The following PRH1 variants were observed in gnomAD, a reference collection of about 807,000 sequenced individuals.
PRH1 encodes proline rich protein HaeIII subfamily 1, also known as salivary acidic proline-rich phosphoprotein 1/2.
A neutral mutation model predicts 7.9 loss-of-function variants in PRH1; 7 were observed. The ratio of observed to expected loss-of-function variants is 0.89; its 90% CI spans 0.50 to 1.67. PRH1 has a LOEUF of 1.67. Ranked by LOEUF, PRH1 falls within the 40% of genes most tolerant of loss-of-function variation. The probability of loss-of-function intolerance (pLI) is 0.00; values close to 1 mark genes in which losing one functional copy is unlikely to be tolerated. For missense variants in PRH1, 109 were observed against 223.6 expected (o/e 0.49, Z 3.27); for synonymous variants, 45 against 80.8 (o/e 0.56, Z 2.38).
chr12:10,987,313 T>C (rs1939699986), intron 1 of PRH1, among the ~76,000 whole-genome samples: 1 of 152,114 alleles, frequency 6.6e-6, no homozygotes, highest in South Asian at 2.1e-4. Context: ...ATACAGTAAA[T>C]GTCTAAGTTC....
At chr12:10,972,034 A>G (rs749303209) in intron 2 of PRH1, among the ~76,000 whole-genome samples, 26 of 152,220 alleles carry the variant, frequency 1.7e-4, no homozygotes, top group Non-Finnish European at 3.4e-4. Context: ...ACATTATGTC[A>G]GATCATTTTG....
At chr12:11,077,379 C>T (rs1944327643) in intron 1 of PRH1, 2 of 447,356 alleles carry the variant, frequency 4.5e-6, no homozygotes, top group East Asian at 6.1e-5. Context: ...AAAGAAACGT[C>T]TGTTTTAGTT....
chr12:11,023,409 T>C (rs944928439), intron 1 of PRH1, among the ~76,000 whole-genome samples: 2 of 152,206 alleles, frequency 1.3e-5, no homozygotes, highest in Non-Finnish European at 2.9e-5. Context: ...CTTAGGCCTT[T>C]GGTATATTTA....
At chr12:11,107,493 T>C (rs1345050150) in intron 1 of PRH1, among the ~76,000 whole-genome samples, 1 of 152,220 alleles carries the variant, frequency 6.6e-6, no homozygotes, top group Non-Finnish European at 1.5e-5. Context: ...ATATATTCAG[T>C]GCAATCCCTA....
chr12:10,885,766 G>C (rs1168116467), upstream of PRH1, among the ~76,000 whole-genome samples: 1 of 152,172 alleles, frequency 6.6e-6, no homozygotes, highest in Non-Finnish European at 1.5e-5. Flanking sequence ...TTTGTGCATG[G>C]TTAGTCTTTA....
intron 1 of PRH1, chr12:11,132,905 A>G (rs1479147793): frequency 5.7e-6 from 1 of 174,548 alleles, no homozygotes; most frequent in African/African-American, 2.4e-5. Context: ...TGTCATTCAA[A>G]TAACAATAGA....
At chr12:11,039,294 C>G (rs1246030291) in intron 1 of PRH1, among the ~76,000 whole-genome samples, 1 of 152,126 alleles carries the variant, frequency 6.6e-6, no homozygotes, top group Non-Finnish European at 1.5e-5. Context: ...GTTGTTTTTC[C>G]TTTTAAATTC....
intron 1 of PRH1, among the ~76,000 whole-genome samples, chr12:10,988,796 T>C (rs1939780235): frequency 6.6e-6 from 1 of 152,048 alleles, no homozygotes; most frequent in Non-Finnish European, 1.5e-5. Flanking sequence ...TAATTTAGAA[T>C]GATCATTTCC....
downstream of PRH1, among the ~76,000 whole-genome samples, chr12:11,117,989 G>C (rs578159884): frequency 6.6e-6 from 1 of 152,198 alleles, no homozygotes; most frequent in East Asian, 1.9e-4. Context: ...AACTCCCCAG[G>C]ACATTGGTTT....
chr12:10,946,359 T>C (rs1375212254), intron 2 of PRH1, among the ~76,000 whole-genome samples: 1 of 152,116 alleles, frequency 6.6e-6, no homozygotes, highest in African/African-American at 2.4e-5. Context: ...GTCTCTGACT[T>C]CCAGCAGCAG....
At chr12:11,048,074 A>G (rs1056041941), upstream of PRH1, among the ~76,000 whole-genome samples, 3 of 152,104 alleles carry the variant, frequency 2.0e-5, no homozygotes, top group African/African-American at 7.2e-5. Context: ...TATATGTGAA[A>G]TATACTCGGC....
chr12:11,141,222 A>G (rs35017789), intron 1 of PRH1, among the ~76,000 whole-genome samples: 69,140 of 151,994 alleles, frequency 0.45, 16,524 homozygotes, highest in Non-Finnish European at 0.52. Context: ...ACTCATGCTT[A>G]GGCCTTTCAC....
intron 2 of PRH1, among the ~76,000 whole-genome samples, chr12:10,918,180 T>A (rs1198405507): frequency 2.0e-5 from 3 of 151,902 alleles, no homozygotes; most frequent in Non-Finnish European, 4.4e-5. Flanking sequence ...TGAGATCACA[T>A]GGACACAGGG....
chr12:11,002,438 AT>A (rs1302035315), intron 1 of PRH1, among the ~76,000 whole-genome samples: 5 of 151,270 alleles, frequency 3.3e-5, no homozygotes, highest in African/African-American at 9.7e-5. Context: ...TTTACTGGCT[AT>A]TTTTTTTTCT....
chr12:10,883,273 T>C (rs1949437464), intron 1 of PRH1, among the ~76,000 whole-genome samples, 177 bp from the exon 2 acceptor site: 2 of 152,178 alleles, frequency 1.3e-5, no homozygotes, highest in African/African-American at 4.8e-5. Context: ...GCAGTATTGT[T>C]ACTACACTGA....
intron 1 of PRH1, among the ~76,000 whole-genome samples, chr12:11,083,268 A>G (rs78702666): frequency 0.48 from 30,659 of 63,478 alleles, 9,016 homozygotes; most frequent in Non-Finnish European, 0.64. Flanking sequence ...CAAAATACAG[A>G]TGCTCAAAAT....
intron 1 of PRH1, chr12:11,079,068 C>T (rs1416523733): frequency 8.7e-6 from 1 of 114,686 alleles, no homozygotes; most frequent in Non-Finnish European, 2.1e-5. Context: ...AAACATGTTT[C>T]TCATGCTTAG....
Position 10,932,491 on chromosome 12 carries a change from C to T in PRH1, c.-59+41164G>A, listed in dbSNP as rs140865252. The stretch of plus-strand genomic sequence containing the variant: ...GGGAAGGAGTTCCACTGTTTCTTTC[C>T]TTCTCTGTCTTCTTAGCTCGAATTT... On this transcript the variant is annotated intron_variant, in intron 2 of 3. Coordinates refer to the PRH1 transcript ENST00000539853. The T allele has an allele frequency of 6.3e-3, 1,125 of 179,522 alleles. 15 individuals are homozygous for T. The highest frequency in any genetic ancestry group is 5.6e-3 in the Non-Finnish European group (453 of 81,600). 11.1% of individuals were successfully genotyped at this position (179,522 alleles called of 1,614,324 possible). A position where few individuals can be genotyped will look rare whatever the true frequency, so the allele number is the denominator to read the frequency against.
intron 1 of PRH1, among the ~76,000 whole-genome samples, chr12:11,113,736 G>A (rs1945654898): frequency 6.6e-6 from 1 of 152,138 alleles, no homozygotes; most frequent in Admixed American, 6.5e-5. Context: ...AAACTAAAGA[G>A]CTTCTGCACA....
Sources: gnomAD v4.1 joint callset for allele counts (sites outside exome capture counted in the v4.1 genomes callset) on GRCh38, gnomAD v4.1.1 for gene constraint, MANE v1.5 for transcripts, NCBI Gene and HGNC (gene_info 2026-07-23, HGNC 2026-07-21) for gene names.